FAM83F: variants seen among roughly 807,000 people sequenced by gnomAD.
FAM83F encodes the protein scaffolding CK1 anchoring protein F.
FAM83F carries 45 observed loss-of-function variants against 42.9 expected under a neutral mutation model. The ratio of observed to expected loss-of-function variants is 1.05; its 90% confidence interval spans 0.83 to 1.35. FAM83F has a LOEUF of 1.35. Ranked by LOEUF, FAM83F falls within the 40% of genes most tolerant of loss-of-function variation. The pLI is 0.00. For synonymous variants in FAM83F, 306 were observed against 298.3 expected, an observed-to-expected ratio of 1.03 and a Z score of -0.27; for missense variants, 617 against 695.9, an observed-to-expected ratio of 0.89 and a Z score of 1.28.
chr22:40,017,899 TG>T (rs1307454786), intron 1 of FAM83F, among the ~76,000 whole-genome samples: 51 of 152,148 alleles, frequency 3.4e-4, no homozygotes, highest in African/African-American at 1.2e-3. Context: ...AACTAGGAAG[TG>T]GGGGATCCAC....
chr22:39,998,268 C>T (rs1161793304), intron 1 of FAM83F, among the ~76,000 whole-genome samples: 5 of 152,108 alleles, frequency 3.3e-5, no homozygotes, highest in African/African-American at 7.2e-5. Context: ...GGGGAACTGC[C>T]GAGGGGAGGC....
intron 1 of FAM83F, among the ~76,000 whole-genome samples, chr22:39,996,122 C>T (rs1248816634): frequency 2.6e-5 from 4 of 152,136 alleles, no homozygotes; most frequent in Non-Finnish European, 5.9e-5. Context: ...TATTGAGGAC[C>T]TACTGTGTGC....
chr22:40,005,066 T>G (rs2067420875), intron 1 of FAM83F, among the ~76,000 whole-genome samples: 1 of 152,202 alleles, frequency 6.6e-6, no homozygotes, highest in Non-Finnish European at 1.5e-5. Context: ...ACTCTCAACT[T>G]GCCTCCGTAG....
intron 1 of FAM83F, among the ~76,000 whole-genome samples, chr22:40,018,690 C>T (rs1399993011): frequency 6.6e-6 from 1 of 151,540 alleles, no homozygotes; most frequent in African/African-American, 2.4e-5. Flanking sequence ...CCTCCAGGTT[C>T]AGGCAATTCT....
Position 40,010,673 on chromosome 22 carries a change from TG to T in FAM83F, c.490-8494del, listed in dbSNP as rs542106276. Among the ~76,000 whole-genome samples, 48 of 152,320 alleles carry T rather than the reference TG, an allele frequency of 3.2e-4. No homozygotes were observed. The South Asian group carries it at 1.0e-2, about 32-fold the overall frequency. On this transcript the variant is annotated intron_variant, in intron 1 of 4. Transcript: ENST00000333407. ...ACATGCTTCTGCAAACCGGTCAAGCTGTCCTCAGCGACATGAGTCCACTCTA... is the reference window on the plus strand; with the variant it reads ...ACATGCTTCTGCAAACCGGTCAAGCTTCCTCAGCGACATGAGTCCACTCTA...
chr22:40,027,781 C>G (rs1257811714), intron 4 of FAM83F, among the ~76,000 whole-genome samples: 1 of 152,226 alleles, frequency 6.6e-6, no homozygotes, highest in African/African-American at 2.4e-5. Context: ...TGGGCCCTGC[C>G]CCTGCCTTGC....
rs1407885878 is a variant in FAM83F at position 40,021,128 on chromosome 22, G to T, written c.780-162G>T. Among the ~76,000 whole-genome samples the T allele has an allele frequency of 6.6e-6, 1 of 152,250 alleles. No homozygotes were observed. Among genetic ancestry groups the T allele is most frequent in the East Asian group, 1.9e-4 (1 of 5,206 alleles). On this transcript the variant is annotated intron_variant, in intron 3 of 4. Transcript: ENST00000333407. This position sits in a 1 kb window ranked among gnomAD's most constrained non-coding sequence, Gnocchi z 8.7. ...TGAGGCCAAGCTCTGGGGAAAGGGA[G>T]GCTACGGGTGGGTGGAGGGAATCAG...
At position 40,031,005 on chromosome 22, in the gene FAM83F, A is replaced by G. The variant is rs1239128270; in HGVS notation, c.*1440A>G. On this transcript the variant is annotated 3_prime_UTR_variant, in exon 5 of 5. Transcript: ENST00000333407. The stretch of plus-strand genomic sequence containing the variant: ...TGAGGAAGCAGGAAGTGGGGACCAC[A>G]TGTGGCGGCCATTGAGGAGATGCAA... The G allele has an allele frequency of 1.3e-5, 2 of 152,078 alleles. No individual in the cohort carries two copies. The highest frequency in any genetic ancestry group is 1.5e-5 in the Non-Finnish European group (1 of 68,070). The allele number at this position is 152,078 out of a possible 1,614,324, so 9.4% of individuals were successfully genotyped here.
In FAM83F at chr22:40,025,596, C is replaced by T. The variant is rs186669511; in HGVS notation, c.1453+3633C>T. Among the ~76,000 whole-genome samples, 204 of 152,164 alleles carry T rather than the reference C, an allele frequency of 1.3e-3. 1 individual carries two copies. The highest frequency in any genetic ancestry group is 4.1e-3 in the African/African-American group (170 of 41,518). ...GGCATGGTGGGAGGTGCCTATAATC[C>T]CAGCTACTTGGGAGGCTGAAGCAGG... On this transcript the variant is annotated intron_variant, in intron 4 of 4. Transcript: ENST00000333407.
At position 40,029,419 on chromosome 22, in the gene FAM83F, A is replaced by G. The variant is rs2067574328; in HGVS notation, c.1454-97A>G. 8.8e-6 allele frequency: 13 copies of G among 1,475,858 alleles called. No individual in the cohort carries two copies. The South Asian group carries it at 1.5e-4, about 17-fold the overall frequency. The allele number at this position is 1,475,858 out of a possible 1,614,324, so 91.4% of individuals were successfully genotyped here. A position where few individuals can be genotyped will look rare whatever the true frequency, so the allele number is the denominator to read the frequency against. On this transcript the variant is annotated intron_variant, in intron 4 of 4. Coordinates refer to ENST00000333407, the MANE Select transcript of FAM83F (RefSeq NM_138435.4). Reference sequence around the variant, plus strand: ...GGGAGACAGTGACCCCAGCCCCTCAACTGGAGATGTGGACAGCACACAGGG... The same window carrying G: ...GGGAGACAGTGACCCCAGCCCCTCAGCTGGAGATGTGGACAGCACACAGGG...
intron 1 of FAM83F, among the ~76,000 whole-genome samples, chr22:40,005,347 G>A (rs1308720199): frequency 1.3e-5 from 2 of 152,154 alleles, no homozygotes; most frequent in Non-Finnish European, 2.9e-5. Context: ...TTCTAATTAT[G>A]TTTGGCTTTA....
chr22:40,020,357 A>ATTTTTTTT (rs552816341), intron 3 of FAM83F, among the ~76,000 whole-genome samples: 5 of 116,404 alleles, frequency 4.3e-5, no homozygotes, highest in Non-Finnish European at 3.6e-5. Context: ...TGTCGCCAGA[A>ATTTTTTTT]TTTTTTTTTT....
chr22:40,041,785 G>C lies in FAM83F; in HGVS notation c.*12220G>C, dbSNP rs1320257532. ...CAGTGTCTGGATGTAACAGACTATG[G>C]GCGGCTTTTACTTTATAACTTTCTA... On this transcript the variant is annotated 3_prime_UTR_variant, in exon 5 of 5. Coordinates refer to ENST00000333407, the MANE Select transcript of FAM83F (RefSeq NM_138435.4). 6.6e-6 allele frequency: 1 copy of C among 152,144 alleles called. No individual in the cohort carries two copies. The highest frequency in any genetic ancestry group is 1.5e-5 in the Non-Finnish European group (1 of 68,028). The allele number at this position is 152,144 out of a possible 1,614,324, so 9.4% of individuals were successfully genotyped here.
rs1284092246 is a variant in FAM83F, at chr22:40,021,780, A to G, written c.1270A>G (p.Met424Val). Residue 424 changes from methionine (M) to valine (V), a missense_variant, in exon 4 of 5, where the codon ATG becomes GTG. Physicochemically the swap from Met to Val is conservative, Grantham distance 21. Transcript: ENST00000333407. The surrounding 1 kb of genome is among the most constrained non-coding windows in gnomAD (Gnocchi z 8.7). ...KSREAPSRNG[M>V]GEAARGEAAP... ...CCGAGAGGCACCCAGCCGAAACGGC[A>G]TGGGAGAAGCGGCCCGGGGGGAGGC... The G allele has an allele frequency of 6.2e-7, 1 of 1,612,626 alleles. No individual in the cohort carries two copies. Among genetic ancestry groups the G allele is most frequent in the Non-Finnish European group, 8.5e-7 (1 of 1,179,692 alleles).
intron 4 of FAM83F, among the ~76,000 whole-genome samples, chr22:40,022,356 C>G (rs2067528211): frequency 6.6e-6 from 1 of 152,204 alleles, no homozygotes; most frequent in Admixed American, 6.5e-5. Flanking sequence ...GGGCTCTGCA[C>G]AGTGGGGTGC....
intron 1 of FAM83F, among the ~76,000 whole-genome samples, chr22:40,006,887 C>T (rs1443802520): frequency 6.6e-6 from 1 of 152,154 alleles, no homozygotes; most frequent in East Asian, 1.9e-4. Flanking sequence ...ACCCTGAGCA[C>T]CTCCTGTGTG....
intron 3 of FAM83F, 23 bp downstream of exon 3, chr22:40,020,031 AG>A (rs1157363137): frequency 1.3e-5 from 20 of 1,591,520 alleles, no homozygotes; most frequent in Non-Finnish European, 1.7e-5. Flanking sequence ...GGATCAAAGA[AG>A]GGCCCAGGAG....
At chr22:40,003,725 A>G (rs2067413245) in intron 1 of FAM83F, among the ~76,000 whole-genome samples, 1 of 152,104 alleles carries the variant, frequency 6.6e-6, no homozygotes, top group African/African-American at 2.4e-5. Flanking sequence ...ATGATCCCAT[A>G]ATCTTAGCCC....
At chr22:40,022,036 G>A (rs2067526551) in intron 4 of FAM83F, 73 bp downstream of exon 4, 2 of 1,303,580 alleles carry the variant, frequency 1.5e-6, no homozygotes, top group Non-Finnish European at 2.1e-6. Flanking sequence ...TCTTATCCAG[G>A]AGCACTGCCT....
Sources: gnomAD v4.1 joint callset for allele counts (sites outside exome capture counted in the v4.1 genomes callset) on GRCh38, gnomAD v4.1.1 for gene constraint, Gnocchi (gnomAD v3.1) non-coding constraint, MANE v1.5 for transcripts, NCBI Gene and HGNC (gene_info 2026-07-23, HGNC 2026-07-21) for gene names.